PRKCA: variants seen among roughly 807,000 people sequenced by gnomAD.
PRKCA encodes the protein protein kinase C alpha type.
A neutral mutation model predicts 87.0 loss-of-function variants in PRKCA; 27 were observed. That is an observed-to-expected ratio of 0.31 (90% CI 0.23 to 0.43). The LOEUF (loss-of-function observed/expected upper bound fraction) is 0.43, where lower values mean the gene tolerates loss of function less well. Ranked by LOEUF, PRKCA falls within the 20% of genes least tolerant of loss-of-function variation. The probability of loss-of-function intolerance (pLI) is 1.00; values close to 1 mark genes in which losing one functional copy is unlikely to be tolerated. For missense variants in PRKCA, 518 were observed against 852.3 expected (o/e 0.61, Z 4.88); for synonymous variants, 329 against 311.1 (o/e 1.06, Z -0.61).
intron 2 of PRKCA, among the ~76,000 whole-genome samples, chr17:66,418,660 C>T (rs987482470): frequency 1.3e-5 from 2 of 152,100 alleles, no homozygotes; most frequent in African/African-American, 4.8e-5. Flanking sequence ...TGGCCTCGAT[C>T]TCCTGACCTC....
Position 66,763,674 on chromosome 17 carries a change from G to A in PRKCA, c.1525-10313G>A, listed in dbSNP as rs117644525. The stretch of plus-strand genomic sequence containing the variant: ...ACTTGAGTGTGTTTTATGCATAAAG[G>A]CCACCGTTATTTTGTAATGACAGCT... On this transcript the variant is annotated intron_variant, in intron 13 of 16. Coordinates refer to ENST00000413366, the MANE Select transcript of PRKCA (RefSeq NM_002737.3). 9.2e-5 allele frequency among the ~76,000 whole-genome samples: 14 copies of A among 152,232 alleles called. No individual in the cohort carries two copies. The East Asian group carries it at 1.7e-3, about 19-fold the overall frequency.
rs566700460 is a variant in PRKCA at position 66,505,241 on chromosome 17, A to G, written c.288+8958A>G. Reference sequence around the variant, plus strand: ...GTTAAAAATAGCCTCCGAGACTTCTATCCTCATCCGTAGTTCTGATGAGCA... The same window carrying G: ...GTTAAAAATAGCCTCCGAGACTTCTGTCCTCATCCGTAGTTCTGATGAGCA... On this transcript the variant is annotated intron_variant, in intron 3 of 16. Coordinates refer to ENST00000413366, the MANE Select transcript of PRKCA (RefSeq NM_002737.3). Among the ~76,000 whole-genome samples the G allele has an allele frequency of 9.8e-5, 15 of 152,312 alleles. No homozygotes were observed. In the East Asian group the frequency reaches 2.9e-3, roughly 29 times the overall value.
chr17:66,607,630 T>G (rs1970248633), intron 3 of PRKCA, among the ~76,000 whole-genome samples: 1 of 152,190 alleles, frequency 6.6e-6, no homozygotes, highest in African/African-American at 2.4e-5. Context: ...CTTAGCCAAT[T>G]CAGGGAACTC....
At chr17:66,344,826 C>T (rs192241649) in intron 2 of PRKCA, among the ~76,000 whole-genome samples, 4 of 152,252 alleles carry the variant, frequency 2.6e-5, no homozygotes, top group East Asian at 1.9e-4. Context: ...GGTGCACTTG[C>T]GCGATCTCGG....
chr17:66,485,132 G>T (rs57078491), intron 2 of PRKCA, among the ~76,000 whole-genome samples: 22,777 of 152,036 alleles, frequency 0.15, 1,828 homozygotes, highest in Middle Eastern at 0.22. Context: ...TGGTCCCCCA[G>T]TTACCTTCAT....
Position 66,406,585 on chromosome 17 carries a change from GTTTTTTTT to G in PRKCA, c.206-89599_206-89592del, listed in dbSNP as rs71160568. ...TCATGTAGCATTGTAGCTTTTCCAG[GTTTTTTTT>G]TTTTTTTTTTTTTTTTAAATGTCAT... is the stretch of plus-strand genomic sequence containing the variant. On this transcript the variant is annotated intron_variant, in intron 2 of 16. Coordinates refer to ENST00000413366, the MANE Select transcript of PRKCA (RefSeq NM_002737.3). Among the ~76,000 whole-genome samples, 49 of 70,188 alleles carry G rather than the reference GTTTTTTTT, an allele frequency of 7.0e-4. 1 individual carries two copies. The highest frequency in any genetic ancestry group is 0.022 in the Middle Eastern group (1 of 46). The allele number at this position is 70,188 out of a possible 152,430, so 46.0% of individuals were successfully genotyped here. A position where few individuals can be genotyped will look rare whatever the true frequency, so the allele number is the denominator to read the frequency against.
chr17:66,397,275 C>CGT (rs1910745922), intron 2 of PRKCA, among the ~76,000 whole-genome samples: 1 of 93,718 alleles, frequency 1.1e-5, no homozygotes, highest in Non-Finnish European at 2.0e-5. Context: ...CCAGTGTAGA[C>CGT]TTTTTTTTTT....
At chr17:66,664,336 C>T (rs1256710381) in intron 5 of PRKCA, among the ~76,000 whole-genome samples, 1 of 152,172 alleles carries the variant, frequency 6.6e-6, no homozygotes, top group Non-Finnish European at 1.5e-5. Context: ...CCTGCCTGCC[C>T]TGAGCCCAGG....
intron 2 of PRKCA, among the ~76,000 whole-genome samples, chr17:66,395,187 A>G (rs1396277492): frequency 6.6e-6 from 1 of 152,116 alleles, no homozygotes; most frequent in Non-Finnish European, 1.5e-5. Context: ...CCACAAACCA[A>G]CAGGACCGTT....
intron 3 of PRKCA, among the ~76,000 whole-genome samples, chr17:66,575,020 C>T (rs547539887): frequency 1.3e-5 from 2 of 152,318 alleles, no homozygotes; most frequent in East Asian, 3.9e-4. Flanking sequence ...AAAGTAATTT[C>T]CAGCTTCTCT....
At chr17:66,504,131 C>G (rs544652043) in intron 3 of PRKCA, among the ~76,000 whole-genome samples, 1 of 152,150 alleles carries the variant, frequency 6.6e-6, no homozygotes, top group Admixed American at 6.5e-5. Context: ...TTTAAAGTTG[C>G]CTTCAGCCCC....
intron 5 of PRKCA, among the ~76,000 whole-genome samples, chr17:66,680,125 A>G (rs1456682400): frequency 6.6e-6 from 1 of 152,210 alleles, no homozygotes; most frequent in African/African-American, 2.4e-5. Context: ...TTTTGACCAC[A>G]GACACTAAAT....
intron 5 of PRKCA, among the ~76,000 whole-genome samples, chr17:66,680,571 A>G (rs1025367331): frequency 2.0e-5 from 3 of 152,226 alleles, no homozygotes; most frequent in African/African-American, 4.8e-5. Context: ...ATGCATTACT[A>G]AACAGTGTCT....
At chr17:66,529,761 G>C (rs1221430424) in intron 3 of PRKCA, among the ~76,000 whole-genome samples, 1 of 152,156 alleles carries the variant, frequency 6.6e-6, no homozygotes, top group African/African-American at 2.4e-5. Flanking sequence ...ATTTTTATGA[G>C]TCCTCGTGCT....
chr17:66,516,455 A>G (rs184605504), intron 3 of PRKCA, among the ~76,000 whole-genome samples: 2 of 152,190 alleles, frequency 1.3e-5, no homozygotes, highest in East Asian at 3.9e-4. Context: ...CAGCATGGTG[A>G]GACCCCGTCT....
intron 3 of PRKCA, among the ~76,000 whole-genome samples, chr17:66,523,711 G>C (rs1467691274): frequency 6.6e-6 from 1 of 152,094 alleles, no homozygotes; most frequent in Admixed American, 6.5e-5. Flanking sequence ...GCAGGAGGAG[G>C]GGACATTGTA....
chr17:66,733,846 G>A (rs1344258048), intron 9 of PRKCA, among the ~76,000 whole-genome samples: 1 of 152,152 alleles, frequency 6.6e-6, no homozygotes, highest in African/African-American at 2.4e-5. Context: ...ATCAAAAGGT[G>A]AACCACAGGA....
intron 2 of PRKCA, among the ~76,000 whole-genome samples, chr17:66,314,873 A>G (rs947071320): frequency 2.6e-4 from 28 of 108,790 alleles, no homozygotes; most frequent in African/African-American, 7.9e-4. Context: ...AGATATATAT[A>G]TATGTGTGTG....
In PRKCA at chr17:66,541,704, C is replaced by G. The variant is rs536036876; in HGVS notation, c.288+45421C>G. 3.9e-5 allele frequency among the ~76,000 whole-genome samples: 6 copies of G among 152,312 alleles called. No individual in the cohort carries two copies. In the South Asian group the frequency reaches 1.2e-3, roughly 32 times the overall value. ...AAGCCACAAAGACTTTTTGAGGCGA[C>G]AGGTTATGCCAAAAATTAAGTAAAA... is the stretch of plus-strand genomic sequence containing the variant. On this transcript the variant is annotated intron_variant, in intron 3 of 16. Transcript: ENST00000413366.
Sources: gnomAD v4.1 joint callset for allele counts (sites outside exome capture counted in the v4.1 genomes callset) on GRCh38, gnomAD v4.1.1 for gene constraint, MANE v1.5 for transcripts, NCBI Gene and HGNC (gene_info 2026-07-23, HGNC 2026-07-21) for gene names.